Variants in MDGA2 observed in about 807,000 individuals in gnomAD.
The protein encoded by MDGA2 is MAM domain containing glycosylphosphatidylinositol anchor 2, also known as MAM domain-containing glycosylphosphatidylinositol anchor protein 2.
In MDGA2, 40 loss-of-function variants were observed where a neutral mutation model predicts 117.8. The ratio of observed to expected loss-of-function variants is 0.34; its 90% CI spans 0.26 to 0.44. The LOEUF (loss-of-function observed/expected upper bound fraction) is 0.44. Ranked by LOEUF, MDGA2 falls within the 20% of genes least tolerant of loss-of-function variation. The pLI is 1.00. For synonymous variants in MDGA2, 452 were observed against 439.0 expected, an observed-to-expected ratio of 1.03 and a Z score of -0.37; for missense variants, 1,123 against 1,250.6, an observed-to-expected ratio of 0.90 and a Z score of 1.54.
At chr14:47,551,559 C>T (rs551078506) in intron 1 of MDGA2, among the ~76,000 whole-genome samples, 5 of 152,196 alleles carry the variant, frequency 3.3e-5, no homozygotes, top group Non-Finnish European at 7.4e-5. Flanking sequence ...TCAACCTTTC[C>T]CCCAATTTGA....
chr14:47,642,951 T>C (rs1297802383), intron 1 of MDGA2, among the ~76,000 whole-genome samples: 2 of 152,116 alleles, frequency 1.3e-5, no homozygotes, highest in Non-Finnish European at 2.9e-5. Flanking sequence ...TGTCTTTGCC[T>C]AATTTTCCTC....
At chr14:47,295,434 T>C (rs752127941) in intron 2 of MDGA2, among the ~76,000 whole-genome samples, 2 of 152,214 alleles carry the variant, frequency 1.3e-5, no homozygotes, top group Non-Finnish European at 2.9e-5. Flanking sequence ...TCATACTTTC[T>C]ACATATGACC....
intron 1 of MDGA2, among the ~76,000 whole-genome samples, chr14:47,525,820 T>A (rs960302327): frequency 5.3e-5 from 8 of 151,876 alleles, no homozygotes; most frequent in African/African-American, 1.9e-4. Context: ...CCTCCTGGAG[T>A]GTACAGACTT....
intron 3 of MDGA2, among the ~76,000 whole-genome samples, chr14:47,157,375 T>C (rs1883431414): frequency 6.6e-6 from 1 of 152,192 alleles, no homozygotes; most frequent in Non-Finnish European, 1.5e-5. Flanking sequence ...GCATCTTCAA[T>C]AAGTTTTTTA....
At chr14:47,263,898 A>G (rs910605104) in intron 2 of MDGA2, among the ~76,000 whole-genome samples, 1 of 152,184 alleles carries the variant, frequency 6.6e-6, no homozygotes, top group Non-Finnish European at 1.5e-5. Flanking sequence ...CAAAAACTCC[A>G]ACAAGCACCA....
chr14:47,168,569 G>A (rs578213242), intron 3 of MDGA2, among the ~76,000 whole-genome samples: 1 of 151,948 alleles, frequency 6.6e-6, no homozygotes, highest in Non-Finnish European at 1.5e-5. Flanking sequence ...TATTACTAAA[G>A]AGAGTGTTGA....
At chr14:47,228,467 G>T (rs1886582694) in intron 2 of MDGA2, among the ~76,000 whole-genome samples, 1 of 152,142 alleles carries the variant, frequency 6.6e-6, no homozygotes, top group Non-Finnish European at 1.5e-5. Flanking sequence ...AATTACAGTA[G>T]ATACTCAACA....
chr14:47,615,743 T>A (rs966564368), intron 1 of MDGA2, among the ~76,000 whole-genome samples: 1 of 152,042 alleles, frequency 6.6e-6, no homozygotes, highest in African/African-American at 2.4e-5. Flanking sequence ...TTCAAAGGGG[T>A]CTAATAAATA....
At chr14:47,454,335 G>GA (rs886939962) in intron 1 of MDGA2, among the ~76,000 whole-genome samples, 2 of 151,576 alleles carry the variant, frequency 1.3e-5, no homozygotes, top group South Asian at 2.1e-4. Flanking sequence ...GAAGTTGGGT[G>GA]AAAAAAAAGC....
intron 1 of MDGA2, among the ~76,000 whole-genome samples, chr14:47,603,947 C>T (rs544441167): frequency 2.0e-5 from 3 of 152,278 alleles, no homozygotes; most frequent in East Asian, 1.9e-4. Flanking sequence ...GAAGTGCCTG[C>T]TCCCTCTTCA....
intron 2 of MDGA2, among the ~76,000 whole-genome samples, chr14:47,288,566 G>A (rs1385702653): frequency 1.3e-5 from 2 of 152,098 alleles, no homozygotes; most frequent in Non-Finnish European, 2.9e-5. Context: ...TGCCAAAGGC[G>A]AGTAAGTAAA....
intron 2 of MDGA2, among the ~76,000 whole-genome samples, chr14:47,300,574 T>C (rs1889242981): frequency 6.6e-6 from 1 of 152,048 alleles, no homozygotes; most frequent in Non-Finnish European, 1.5e-5. Flanking sequence ...CCTGCAGCCT[T>C]GACCTCCTGG....
At chr14:47,207,030 T>A (rs548507919) in intron 3 of MDGA2, among the ~76,000 whole-genome samples, 38 of 152,188 alleles carry the variant, frequency 2.5e-4, no homozygotes, top group African/African-American at 8.9e-4. Context: ...ACTTTGATTT[T>A]GTCTCCAGTG....
intron 1 of MDGA2, among the ~76,000 whole-genome samples, chr14:47,661,551 T>C (rs1362603867): frequency 2.6e-5 from 4 of 152,136 alleles, no homozygotes; most frequent in Non-Finnish European, 5.9e-5. Context: ...AGCTCACTTA[T>C]AAAGAATAAA....
intron 1 of MDGA2, among the ~76,000 whole-genome samples, chr14:47,446,526 G>A (rs1555322810): frequency 2.6e-5 from 4 of 152,028 alleles, no homozygotes; most frequent in Non-Finnish European, 5.9e-5. Context: ...TTGGTGGGTG[G>A]TTTGTTTTAA....
intron 1 of MDGA2, among the ~76,000 whole-genome samples, chr14:47,658,539 T>G (rs1897786992): frequency 6.6e-6 from 1 of 152,162 alleles, no homozygotes; most frequent in South Asian, 2.1e-4. Flanking sequence ...CATCCTCTTT[T>G]GTGAGTTTCC....
chr14:47,135,127 TC>T (rs1466463779), intron 4 of MDGA2, among the ~76,000 whole-genome samples: 1 of 152,082 alleles, frequency 6.6e-6, no homozygotes, highest in African/African-American at 2.4e-5. Context: ...AATAAACCTT[TC>T]TTTTGTATGC....
At chr14:47,212,580 A>C (rs1885925048) in intron 3 of MDGA2, among the ~76,000 whole-genome samples, 1 of 152,110 alleles carries the variant, frequency 6.6e-6, no homozygotes. Context: ...TAAGTGTTCA[A>C]CTTCTGTTTA....
At position 47,668,584 on chromosome 14, in the gene MDGA2, A is replaced by C. The variant is rs529090094; in HGVS notation, c.280+5933T>G. Among the ~76,000 whole-genome samples the C allele has an allele frequency of 7.2e-5, 11 of 152,336 alleles. No homozygotes were observed. The South Asian group carries it at 2.3e-3, about 32-fold the overall frequency. ...TAGGATATAGTTTTCTATGAATGCA[A>C]TATTTTATTGTTTGCTCTAAGTAAT... is the stretch of plus-strand genomic sequence containing the variant. On this transcript the variant is annotated intron_variant, in intron 1 of 16. Transcript: ENST00000399232.
Sources: allele counts gnomAD v4.1 joint callset (sites outside exome capture counted in the v4.1 genomes callset), GRCh38; gene constraint gnomAD v4.1.1; transcripts MANE v1.5; gene names NCBI Gene and HGNC (gene_info 2026-07-23, HGNC 2026-07-21).